The following NARS2 variants were observed in gnomAD, a reference collection of about 807,000 sequenced individuals.
NARS2 encodes the protein asparaginyl-tRNA synthetase 2, mitochondrial.
A neutral mutation model predicts 62.9 loss-of-function variants in NARS2; 60 were observed. The ratio of observed to expected loss-of-function variants is 0.95; its 90% CI spans 0.77 to 1.18. The LOEUF (loss-of-function observed/expected upper bound fraction) is 1.18. Ranked by LOEUF, NARS2 falls within the 50% of genes most tolerant of loss-of-function variation. The pLI, the probability that NARS2 is intolerant of heterozygous loss-of-function variation, is 0.00. For missense variants in NARS2, 619 were observed against 576.4 expected, an observed-to-expected ratio of 1.07 and a Z score of -0.76; for synonymous variants, 196 against 200.0, an observed-to-expected ratio of 0.98 and a Z score of 0.17.
At chr11:78,474,597 G>A (rs929952008) in intron 9 of NARS2, among the ~76,000 whole-genome samples, 1 of 152,092 alleles carries the variant, frequency 6.6e-6, no homozygotes, top group East Asian at 1.9e-4. Context: ...CCAGCCTAAA[G>A]AATACCTTTA....
intron 5 of NARS2, among the ~76,000 whole-genome samples, chr11:78,546,900 T>C (rs1047268170): frequency 6.6e-6 from 1 of 152,234 alleles, no homozygotes; most frequent in Non-Finnish European, 1.5e-5. Flanking sequence ...CTAGAGCACT[T>C]ATAAAAAGTG....
chr11:78,511,768 A>G (rs1399879205), intron 6 of NARS2, among the ~76,000 whole-genome samples: 5 of 152,328 alleles, frequency 3.3e-5, no homozygotes, highest in African/African-American at 9.6e-5. Flanking sequence ...AAATATATTT[A>G]AAACGATGTA....
intron 11 of NARS2, among the ~76,000 whole-genome samples, chr11:78,452,321 C>A (rs752160092): frequency 1.3e-5 from 2 of 151,998 alleles, no homozygotes; most frequent in Non-Finnish European, 2.9e-5. Flanking sequence ...GTTGGCCAGG[C>A]TGGTCTCGAT....
intron 5 of NARS2, among the ~76,000 whole-genome samples, chr11:78,550,800 T>G (rs192104634): frequency 2.0e-5 from 3 of 152,304 alleles, no homozygotes; most frequent in Admixed American, 6.5e-5. Flanking sequence ...ATAGCAGCAT[T>G]TTTCATAGTG....
Position 78,465,859 on chromosome 11 carries a change from T to G in NARS2, c.1164+17A>C, listed in dbSNP as rs931111329. 7 of 1,613,734 alleles carry G rather than the reference T, an allele frequency of 4.3e-6. No individual in the cohort carries two copies. In the Admixed American group the frequency reaches 1.0e-4, roughly 23 times the overall value. On this transcript the variant is annotated intron_variant, in intron 11 of 13. Coordinates refer to ENST00000281038, the MANE Select transcript of NARS2 (RefSeq NM_024678.6). ...CCTAAGAGGACTAACCCCAATTTAT[T>G]TAGTATCTCTTCTTACCGTGTGCTG...
chr11:78,533,049 T>C (rs1861537062), intron 5 of NARS2: 1 of 152,184 alleles, frequency 6.6e-6, no homozygotes, highest in African/African-American at 2.4e-5. Context: ...TCTGGGCCTC[T>C]TGATTATTTC....
In NARS2 at chr11:78,503,743, T is replaced by C. The variant is rs11237524; in HGVS notation, c.690-10548A>G. ...AAAGCACAAAGGAACCATCAAAAAG[T>C]AGAAATAGGCAAACTGCTTTTACAG... On this transcript the variant is annotated intron_variant, in intron 6 of 13. Transcript: ENST00000281038. Among the ~76,000 whole-genome samples the C allele has an allele frequency of 2.5e-3, 381 of 152,148 alleles. 6 individuals are homozygous for C. In the East Asian group the frequency reaches 0.046, roughly 18 times the overall value.
intron 13 of NARS2, among the ~76,000 whole-genome samples, chr11:78,437,698 C>T (rs1321923727): frequency 1.3e-5 from 2 of 151,786 alleles, no homozygotes; most frequent in Admixed American, 6.6e-5. Context: ...GTTTATCGGC[C>T]GGGTGTGGTG....
At chr11:78,525,440 G>A (rs777922883) in intron 6 of NARS2, among the ~76,000 whole-genome samples, 2 of 152,048 alleles carry the variant, frequency 1.3e-5, no homozygotes, top group Non-Finnish European at 2.9e-5. Context: ...CGTATCAAAG[G>A]GGCGTAAGAA....
At chr11:78,464,004 G>A (rs561241362) in intron 11 of NARS2, among the ~76,000 whole-genome samples, 3 of 152,294 alleles carry the variant, frequency 2.0e-5, no homozygotes, top group South Asian at 4.1e-4. Flanking sequence ...ATGAAGCCGC[G>A]GACCCTCACG....
At chr11:78,452,202 G>C (rs553428653) in intron 11 of NARS2, among the ~76,000 whole-genome samples, 1 of 151,908 alleles carries the variant, frequency 6.6e-6, no homozygotes, top group Admixed American at 6.6e-5. Flanking sequence ...CTGCCTCCCA[G>C]GTTCAAGAGA....
chr11:78,500,436 C>T (rs1413107050), intron 6 of NARS2, among the ~76,000 whole-genome samples: 2 of 152,158 alleles, frequency 1.3e-5, no homozygotes, highest in Non-Finnish European at 1.5e-5. Flanking sequence ...TTGTCTCCTT[C>T]CTTTCCATCG....
chr11:78,568,726 T>TC lies in NARS2; in HGVS notation c.277dup (p.Glu93GlyfsTer24). 1 of 1,609,972 alleles carries TC rather than the reference T, an allele frequency of 6.2e-7. No individual in the cohort carries two copies. The highest frequency in any genetic ancestry group is 8.5e-7 in the Non-Finnish European group (1 of 1,177,130). On this transcript the variant is annotated frameshift_variant, in exon 3 of 14. Coordinates refer to ENST00000281038, the MANE Select transcript of NARS2 (RefSeq NM_024678.6). LOFTEE classifies it high-confidence loss of function. ...ACTTTTTATCAGCTGCCCTTGTACT[T>TC]CCACAGAACTCCCAAAATTTAATTC...
intron 12 of NARS2, among the ~76,000 whole-genome samples, chr11:78,441,714 A>C (rs1002934229): frequency 3.3e-5 from 5 of 151,922 alleles, no homozygotes; most frequent in Non-Finnish European, 7.4e-5. Flanking sequence ...CCATCTCAAA[A>C]AAAAAAAAAG....
intron 9 of NARS2, among the ~76,000 whole-genome samples, chr11:78,475,275 T>A (rs113615272): frequency 6.6e-6 from 1 of 152,158 alleles, no homozygotes; most frequent in African/African-American, 2.4e-5. Flanking sequence ...CCACTGTGTA[T>A]ATATATACAC....
At chr11:78,545,706 T>C (rs374937412) in intron 5 of NARS2, among the ~76,000 whole-genome samples, 1 of 152,028 alleles carries the variant, frequency 6.6e-6, no homozygotes, top group Non-Finnish European at 1.5e-5. Context: ...TTTGTATTTT[T>C]AGTAGAGATG....
Position 78,574,562 on chromosome 11 carries a change from T to C in NARS2, c.-74A>G. ...CGAACCCCGCCTGCAGCGGCCCTCC[T>C]TTCTCAGCTGCTCCCCTTCCGCGGC... On this transcript the variant is annotated 5_prime_UTR_variant, in exon 1 of 14. Coordinates refer to ENST00000281038, the MANE Select transcript of NARS2 (RefSeq NM_024678.6). 1 of 1,470,754 alleles carries C rather than the reference T, an allele frequency of 6.8e-7. No individual in the cohort carries two copies. Among genetic ancestry groups the C allele is most frequent in the East Asian group, 2.5e-5 (1 of 40,580 alleles). 91.1% of individuals were successfully genotyped at this position (1,470,754 alleles called of 1,614,324 possible).
intron 11 of NARS2, among the ~76,000 whole-genome samples, chr11:78,451,316 T>C (rs1424906719): frequency 6.6e-6 from 1 of 152,230 alleles, no homozygotes; most frequent in Non-Finnish European, 1.5e-5. Flanking sequence ...CTACCTTGTA[T>C]CTCCCCCTGA....
chr11:78,527,389 C>T (rs578222468), intron 6 of NARS2, among the ~76,000 whole-genome samples: 8 of 152,244 alleles, frequency 5.3e-5, no homozygotes, highest in African/African-American at 1.4e-4. Flanking sequence ...AGGCTTGACA[C>T]GGCCTTTCCT....
Sources: gnomAD v4.1 joint callset for allele counts (sites outside exome capture counted in the v4.1 genomes callset) on GRCh38, gnomAD v4.1.1 for gene constraint, MANE v1.5 for transcripts, NCBI Gene and HGNC (gene_info 2026-07-23, HGNC 2026-07-21) for gene names.